INSYN2A: variants seen among roughly 807,000 people sequenced by gnomAD.
The protein encoded by INSYN2A is family with sequence similarity 196 member A.
INSYN2A carries 17 observed loss-of-function variants against 39.4 expected under a neutral mutation model. That is an observed-to-expected ratio of 0.43 (90% confidence interval 0.30 to 0.65). The LOEUF is 0.65. Ranked by LOEUF, INSYN2A falls within the 30% of genes least tolerant of loss-of-function variation. INSYN2A has a pLI of 0.14. For synonymous variants in INSYN2A, 255 were observed against 265.7 expected (o/e 0.96, Z 0.39); for missense variants, 595 against 631.2 (o/e 0.94, Z 0.61).
chr10:127,186,499 G>A (rs2056243340), intron 2 of INSYN2A, among the ~76,000 whole-genome samples: 1 of 75,172 alleles, frequency 1.3e-5, no homozygotes, highest in Admixed American at 1.6e-4. Flanking sequence ...AACAGCATGG[G>A]AGAAACCGCC....
chr10:127,147,518 T>G (rs1164798115), intron 5 of INSYN2A, among the ~76,000 whole-genome samples: 2 of 152,090 alleles, frequency 1.3e-5, no homozygotes, highest in African/African-American at 4.8e-5. Context: ...CAGAGGGCTC[T>G]CTCTCGCCAG....
chr10:127,162,907 C>T, intron 4 of INSYN2A, among the ~76,000 whole-genome samples: 1 of 152,140 alleles, frequency 6.6e-6, no homozygotes. Context: ...ACCTTTGTTT[C>T]CAAAATGAAG....
At chr10:127,195,373 A>G (rs1254561148) in intron 1 of INSYN2A, among the ~76,000 whole-genome samples, 1 of 152,106 alleles carries the variant, frequency 6.6e-6, no homozygotes, top group African/African-American at 2.4e-5. Flanking sequence ...GGCACCGGGA[A>G]GCCCCGCGGC....
At position 127,154,024 on chromosome 10, in the gene INSYN2A, A is replaced by T. The variant is rs926855809; in HGVS notation, c.1185-101T>A. On this transcript the variant is annotated intron_variant, in intron 4 of 5. Coordinates refer to ENST00000522781, the MANE Select transcript of INSYN2A (RefSeq NM_001039762.3). ...CAAATGCCTTCCCAATGCCAAGCTC[A>T]TCATGGTCATGGAAATTGATTAATG... 28 of 797,540 alleles carry T rather than the reference A, an allele frequency of 3.5e-5. No homozygotes were observed. The Admixed American group carries it at 5.2e-4, about 15-fold the overall frequency. 49.4% of individuals were successfully genotyped at this position (797,540 alleles called of 1,614,324 possible). A position where few individuals can be genotyped will look rare whatever the true frequency, so the allele number is the denominator to read the frequency against.
At chr10:127,150,806 G>C (rs936491642) in intron 5 of INSYN2A, among the ~76,000 whole-genome samples, 2 of 152,216 alleles carry the variant, frequency 1.3e-5, no homozygotes, top group Admixed American at 1.3e-4. Context: ...GGATTCAGAA[G>C]GATTCTGATC....
intron 5 of INSYN2A, among the ~76,000 whole-genome samples, 169 bp downstream of exon 5, chr10:127,153,683 A>G (rs2052734124): frequency 6.6e-6 from 1 of 152,156 alleles, no homozygotes; most frequent in African/African-American, 2.4e-5. Flanking sequence ...ACGGTTCTAT[A>G]CTTGGGGTGG....
Position 127,162,434 on chromosome 10 carries a change from C to T in INSYN2A, c.1185-8511G>A, listed in dbSNP as rs548165367. ...CATATAGATTAAAGGATTTTGAGGG[C>T]TACCCTGGCAACCTCAACACAAATT... is the stretch of plus-strand genomic sequence containing the variant. On this transcript the variant is annotated intron_variant, in intron 4 of 5. Coordinates refer to ENST00000522781, the MANE Select transcript of INSYN2A (RefSeq NM_001039762.3). 3.9e-5 allele frequency among the ~76,000 whole-genome samples: 6 copies of T among 152,284 alleles called. No individual in the cohort carries two copies. The South Asian group carries it at 1.0e-3, about 26-fold the overall frequency.
chr10:127,171,853 G>T (rs930002770), intron 4 of INSYN2A, among the ~76,000 whole-genome samples: 2 of 151,988 alleles, frequency 1.3e-5, no homozygotes, highest in Admixed American at 6.6e-5. Context: ...ACAGGTGCCC[G>T]CCACCACGCC....
intron 1 of INSYN2A, among the ~76,000 whole-genome samples, chr10:127,194,744 C>A (rs989603128): frequency 6.6e-6 from 1 of 152,166 alleles, no homozygotes; most frequent in Non-Finnish European, 1.5e-5. Flanking sequence ...AGTGCACAGA[C>A]GTCTACCCTG....
At chr10:127,152,133 G>A (rs994425472) in intron 5 of INSYN2A, among the ~76,000 whole-genome samples, 2 of 152,126 alleles carry the variant, frequency 1.3e-5, no homozygotes, top group Non-Finnish European at 1.5e-5. Flanking sequence ...GTTAAAGACG[G>A]TATGAGCTTT....
At chr10:127,164,626 A>C (rs1164881366) in intron 4 of INSYN2A, among the ~76,000 whole-genome samples, 1 of 152,262 alleles carries the variant, frequency 6.6e-6, no homozygotes, top group East Asian at 1.9e-4. Flanking sequence ...AAATACATGC[A>C]GATTTGGACA....
chr10:127,168,257 T>C (rs895220817), intron 4 of INSYN2A, among the ~76,000 whole-genome samples: 5 of 152,212 alleles, frequency 3.3e-5, no homozygotes, highest in Admixed American at 6.5e-5. Flanking sequence ...GCTGGAATGA[T>C]TTAAAATGTT....
At chr10:127,187,037 TC>T (rs1288480731) in intron 2 of INSYN2A, among the ~76,000 whole-genome samples, 4 of 152,154 alleles carry the variant, frequency 2.6e-5, no homozygotes, top group African/African-American at 4.8e-5. Flanking sequence ...CAACCCCATC[TC>T]CTGTCCAGAA....
chr10:127,167,570 C>T (rs146994980), intron 4 of INSYN2A, among the ~76,000 whole-genome samples: 64 of 152,198 alleles, frequency 4.2e-4, no homozygotes, highest in South Asian at 2.1e-4. Flanking sequence ...TCTCAGACAT[C>T]TCTATAGAAT....
intron 5 of INSYN2A, among the ~76,000 whole-genome samples, chr10:127,140,346 G>C (rs574591907): frequency 6.6e-6 from 1 of 152,134 alleles, no homozygotes; most frequent in Non-Finnish European, 1.5e-5. Context: ...ATGCTGCCCT[G>C]GGAATCTGCA....
Position 127,176,169 on chromosome 10 carries a change from T to G in INSYN2A, c.227A>C (p.Lys76Thr). Residue 76 changes from lysine (K) to threonine (T), a missense_variant, in exon 4 of 6, where the codon AAG (lysine) becomes ACG (threonine). Physicochemically the swap from Lys to Thr is moderately conservative, Grantham distance 78. Transcript: ENST00000522781. This position sits in a 1 kb window ranked among gnomAD's most constrained non-coding sequence, Gnocchi z 4.4. ...SGQLGEKREA[K>T]PVSCRAAYRK... ...GTAGGCTGCTCTGCAGGACACGGGC[T>G]TGGCCTCCCGCTTCTCCCCCAGCTG... is the stretch of plus-strand genomic sequence containing the variant. 6.2e-7 allele frequency: 1 copy of G among 1,614,150 alleles called. No individual in the cohort carries two copies. The highest frequency in any genetic ancestry group is 8.5e-7 in the Non-Finnish European group (1 of 1,180,034).
chr10:127,151,597 C>G (rs1162672278), intron 5 of INSYN2A, among the ~76,000 whole-genome samples: 1 of 152,184 alleles, frequency 6.6e-6, no homozygotes, highest in Non-Finnish European at 1.5e-5. Flanking sequence ...AGGGCCACAT[C>G]TCTATTCAGT....
chr10:127,195,487 C>T (rs761452927), intron 1 of INSYN2A, among the ~76,000 whole-genome samples: 1 of 152,170 alleles, frequency 6.6e-6, no homozygotes, highest in Non-Finnish European at 1.5e-5. Flanking sequence ...CGCCTCTCCT[C>T]AACGGCCGGC....
chr10:127,153,257 T>C (rs1297137680), intron 5 of INSYN2A, among the ~76,000 whole-genome samples: 1 of 152,246 alleles, frequency 6.6e-6, no homozygotes, highest in Non-Finnish European at 1.5e-5. Flanking sequence ...AAATTACTGA[T>C]GCAGGCCAAA....
Sources: gnomAD v4.1 joint callset for allele counts (sites outside exome capture counted in the v4.1 genomes callset) on GRCh38, gnomAD v4.1.1 for gene constraint, Gnocchi (gnomAD v3.1) non-coding constraint, MANE v1.5 for transcripts, NCBI Gene and HGNC (gene_info 2026-07-23, HGNC 2026-07-21) for gene names.